The following ASZ1 variants were observed in gnomAD, a reference collection of about 807,000 sequenced individuals.
The protein encoded by ASZ1 is ankyrin repeat, SAM and basic leucine zipper domain containing 1.
Under a neutral mutation model 61.8 loss-of-function variants are expected in ASZ1, and 67 were observed. The ratio of observed to expected loss-of-function variants is 1.08; its 90% CI spans 0.89 to 1.33. The LOEUF is 1.33. Ranked by LOEUF, ASZ1 falls within the 40% of genes most tolerant of loss-of-function variation. The pLI is 0.00. For missense variants in ASZ1, 577 were observed against 554.5 expected (o/e 1.04, Z -0.41); for synonymous variants, 193 against 192.7 (o/e 1.00, Z -0.01).
chr7:117,401,015 C>T (rs7805063), intron 4 of ASZ1, among the ~76,000 whole-genome samples: 80,997 of 151,950 alleles, frequency 0.53, 24,370 homozygotes, highest in African/African-American at 0.83. Context: ...CAACCAAAAG[C>T]TACCAGGCAT....
At position 117,382,985 on chromosome 7, in the gene ASZ1, C is replaced by A. The variant is rs756486342; in HGVS notation, c.812+1G>T. On this transcript the variant is annotated splice_donor_variant, in intron 7 of 12. Transcript: ENST00000284629. LOFTEE classifies it high-confidence loss of function. ...TGTTGAACTAAAACATGCTATATTA[C>A]CTAAAAATGTGATCTTTTTCTCTAT... 1.3e-6 allele frequency: 2 copies of A among 1,560,930 alleles called. No homozygotes were observed. The highest frequency in any genetic ancestry group is 1.2e-5 in the South Asian group (1 of 81,620).
intron 4 of ASZ1, among the ~76,000 whole-genome samples, chr7:117,404,424 T>TA (rs199814945): frequency 0.12 from 18,630 of 150,698 alleles, 2,791 homozygotes; most frequent in African/African-American, 0.36. Flanking sequence ...TTCCTTTTTT[T>TA]TTTTTTTGAC....
intron 10 of ASZ1, among the ~76,000 whole-genome samples, chr7:117,371,995 AT>A (rs1796059097): frequency 6.6e-6 from 1 of 152,212 alleles, no homozygotes; most frequent in African/African-American, 2.4e-5. Context: ...CTTGTGACAT[AT>A]AATTTTCAGA....
chr7:117,413,798 A>T (rs901702769), intron 4 of ASZ1, among the ~76,000 whole-genome samples: 9 of 152,136 alleles, frequency 5.9e-5, no homozygotes, highest in African/African-American at 2.2e-4. Flanking sequence ...CATGGGAAGG[A>T]AAGAATTACA....
chr7:117,363,681 C>T lies in ASZ1; in HGVS notation c.1343G>A (p.Ser448Asn). ...AATAGCTGTCCTCTTCAAAATTCTA[C>T]TATTCCATGTAGATACTTCTTCCCT... ...QLREEVSTWN[S>N]RILKRTAITI... Residue 448 changes from serine (S) to asparagine (N), a missense_variant, in exon 13 of 13, where the codon AGT (serine) becomes AAT (asparagine). Coordinates refer to ENST00000284629, the MANE Select transcript of ASZ1 (RefSeq NM_130768.3). The T allele has an allele frequency of 6.2e-7, 1 of 1,608,802 alleles. No homozygotes were observed. Among genetic ancestry groups the T allele is most frequent in the Non-Finnish European group, 8.5e-7 (1 of 1,177,170 alleles).
intron 4 of ASZ1, among the ~76,000 whole-genome samples, chr7:117,403,369 T>C (rs1300168353): frequency 6.6e-6 from 1 of 152,108 alleles, no homozygotes; most frequent in African/African-American, 2.4e-5. Flanking sequence ...TCCTTAATAC[T>C]TTCTGTGATT....
intron 10 of ASZ1, among the ~76,000 whole-genome samples, chr7:117,373,474 A>G (rs1317705173): frequency 1.3e-5 from 2 of 152,240 alleles, no homozygotes; most frequent in Non-Finnish European, 2.9e-5. Flanking sequence ...AGATTTTGAC[A>G]CATAGAAGAA....
At position 117,384,875 on chromosome 7, in the gene ASZ1, A is replaced by T; in HGVS notation, c.553-15T>A. 1 of 1,551,568 alleles carries T rather than the reference A, an allele frequency of 6.4e-7. No individual in the cohort carries two copies. The highest frequency in any genetic ancestry group is 8.6e-7 in the Non-Finnish European group (1 of 1,156,672). ...CACGTTAAAGCCTGTAAGTAGGGGG[A>T]AAAGAAGATTGTTTAAAGAGAAGGA... On this transcript the variant is annotated splice_polypyrimidine_tract_variant and intron_variant, in intron 5 of 12. Transcript: ENST00000284629.
In ASZ1 at chr7:117,367,342, A is replaced by G; in HGVS notation, c.1275+10T>C. The stretch of plus-strand genomic sequence containing the variant: ...TCATTTTTCCCCTCCTTTTAATGTT[A>G]AATATATACCTTTTGAATTAGGTCT... On this transcript the variant is annotated intron_variant, in intron 12 of 12. Coordinates refer to ENST00000284629, the MANE Select transcript of ASZ1 (RefSeq NM_130768.3). 1 of 1,473,732 alleles carries G rather than the reference A, an allele frequency of 6.8e-7. No individual in the cohort carries two copies. The highest frequency in any genetic ancestry group is 2.4e-5 in the Admixed American group (1 of 41,898). 91.3% of individuals were successfully genotyped at this position (1,473,732 alleles called of 1,614,324 possible).
chr7:117,420,521 G>C (rs1160025203), intron 3 of ASZ1, among the ~76,000 whole-genome samples: 2 of 152,152 alleles, frequency 1.3e-5, no homozygotes, highest in Non-Finnish European at 2.9e-5. Flanking sequence ...ATTACTTCAA[G>C]AGAACAGAAA....
At chr7:117,380,455 A>C (rs1296630774) in intron 9 of ASZ1, among the ~76,000 whole-genome samples, 1 of 151,798 alleles carries the variant, frequency 6.6e-6, no homozygotes, top group Non-Finnish European at 1.5e-5. Context: ...TAAATTTTCT[A>C]TACTGGATTT....
At chr7:117,380,112 T>C (rs1796222002) in intron 9 of ASZ1, 65 bp from the exon 10 acceptor site, 2 of 1,028,242 alleles carry the variant, frequency 1.9e-6, no homozygotes, top group Admixed American at 2.2e-5. Flanking sequence ...AACTCAAAAT[T>C]GCTAAAGATG....
At chr7:117,368,424 CA>C in intron 11 of ASZ1, 187 bp downstream of exon 11, 2 of 1,252,926 alleles carry the variant, frequency 1.6e-6, no homozygotes, top group Non-Finnish European at 2.0e-6. Context: ...GGCAAGAATA[CA>C]AAGTTTTAAA....
At chr7:117,392,925 C>A (rs1158556388) in intron 4 of ASZ1, among the ~76,000 whole-genome samples, 6 of 150,918 alleles carry the variant, frequency 4.0e-5, no homozygotes, top group Non-Finnish European at 8.8e-5. Context: ...CTGCTTACTG[C>A]AACCTTTGCC....
intron 4 of ASZ1, among the ~76,000 whole-genome samples, chr7:117,401,594 G>A (rs1233646512): frequency 1.3e-5 from 2 of 152,082 alleles, no homozygotes; most frequent in Non-Finnish European, 2.9e-5. Context: ...AGAACTTACA[G>A]GGCAGTCCAT....
At chr7:117,383,195 C>T in intron 6 of ASZ1, 85 bp from the exon 7 acceptor site, 1 of 1,327,272 alleles carries the variant, frequency 7.5e-7, no homozygotes, top group Non-Finnish European at 9.7e-7. Flanking sequence ...ACGATTATCT[C>T]ATATCCAGAA....
chr7:117,397,812 G>C (rs1274988712), intron 4 of ASZ1, among the ~76,000 whole-genome samples: 2 of 146,546 alleles, frequency 1.4e-5, no homozygotes, highest in Non-Finnish European at 3.1e-5. Flanking sequence ...CTAAGTCTCA[G>C]GTGGAAAGGG....
intron 4 of ASZ1, among the ~76,000 whole-genome samples, chr7:117,400,642 G>GA (rs1452945306): frequency 1.3e-5 from 2 of 152,208 alleles, no homozygotes; most frequent in Non-Finnish European, 2.9e-5. Flanking sequence ...TGACCCTGCA[G>GA]AGAAGTGATC....
chr7:117,409,070 G>A (rs906711426), intron 4 of ASZ1, among the ~76,000 whole-genome samples: 1 of 151,984 alleles, frequency 6.6e-6, no homozygotes, highest in Non-Finnish European at 1.5e-5. Flanking sequence ...ATGATCATAT[G>A]TGTAATTTAA....
Sources: gnomAD v4.1 joint callset for allele counts (sites outside exome capture counted in the v4.1 genomes callset) on GRCh38, gnomAD v4.1.1 for gene constraint, MANE v1.5 for transcripts, NCBI Gene and HGNC (gene_info 2026-07-23, HGNC 2026-07-21) for gene names.